ITGA9: variants seen among roughly 807,000 people sequenced by gnomAD.
The protein encoded by ITGA9 is integrin alpha-9.
Under a neutral mutation model 127.8 loss-of-function variants are expected in ITGA9, and 56 were observed. The observed-to-expected ratio is 0.44, with a 90% CI of 0.35 to 0.55. The LOEUF (loss-of-function observed/expected upper bound fraction) is 0.55. ITGA9 is among the 20% of genes least tolerant of loss of function. The pLI is 0.00. For synonymous variants in ITGA9, 508 were observed against 514.5 expected (o/e 0.99, Z 0.17); for missense variants, 1,196 against 1,347.1 (o/e 0.89, Z 1.76).
rs150835799 is a variant in ITGA9 at position 37,654,752 on chromosome 3, G to C, written c.1916+962G>C. Among the ~76,000 whole-genome samples, 54 of 152,212 alleles carry C rather than the reference G, an allele frequency of 3.5e-4. 1 individual carries two copies. Among genetic ancestry groups the C allele is most frequent in the African/African-American group, 9.9e-4 (41 of 41,526 alleles). ...ATACATGTGCTGAACGTGCAGGTTT[G>C]TTACATAGGTATACACATGCCATGG... On this transcript the variant is annotated intron_variant, in intron 17 of 27. Transcript: ENST00000264741.
chr3:37,514,323 G>T (rs1184992938), intron 9 of ITGA9, among the ~76,000 whole-genome samples: 1 of 152,194 alleles, frequency 6.6e-6, no homozygotes, highest in Non-Finnish European at 1.5e-5. Flanking sequence ...GCTGGCTTTA[G>T]AGCTGGCATG....
chr3:37,457,632 T>A (rs945116869), intron 1 of ITGA9, among the ~76,000 whole-genome samples: 6 of 152,222 alleles, frequency 3.9e-5, no homozygotes, highest in Admixed American at 2.6e-4. Flanking sequence ...ACATTGTTCC[T>A]GGTCCTCACT....
At chr3:37,454,825 C>T (rs1424614191) in intron 1 of ITGA9, among the ~76,000 whole-genome samples, 1 of 151,908 alleles carries the variant, frequency 6.6e-6, no homozygotes, top group Non-Finnish European at 1.5e-5. Context: ...TATTCTTTGT[C>T]TTAGACCTTG....
At chr3:37,473,516 T>A (rs1013632398) in intron 3 of ITGA9, 56 bp downstream of exon 3, 4 of 1,324,792 alleles carry the variant, frequency 3.0e-6, no homozygotes, top group African/African-American at 1.4e-5. Flanking sequence ...GAATGAATGA[T>A]CTGTTAGGAA....
intron 25 of ITGA9, 62 bp downstream of exon 25, chr3:37,780,083 A>AT (rs1696958703): frequency 3.1e-6 from 5 of 1,600,214 alleles, no homozygotes; most frequent in Non-Finnish European, 4.3e-6. Context: ...TTGACATCTG[A>AT]TTTTGGGTAA....
rs1191780123 is a variant in ITGA9, at chr3:37,741,764, A to G, written c.2269A>G (p.Asn757Asp). 1.2e-6 allele frequency: 2 copies of G among 1,613,806 alleles called. No individual in the cohort carries two copies. The highest frequency in any genetic ancestry group is 1.7e-6 in the Non-Finnish European group (2 of 1,179,936). Residue 757 changes from asparagine to aspartate, a missense_variant, in exon 21 of 28, where the codon AAC becomes GAC. Coordinates refer to ENST00000264741, the MANE Select transcript of ITGA9 (RefSeq NM_002207.3). ...NTERSESLHDNTLVLMVPLMH... is the reference protein window; with the variant it reads ...NTERSESLHDDTLVLMVPLMH... ...GGAGCGCTCTGAATCCCTGCATGAC[A>G]ACACCCTCGTGCTGATGGTGCCACT...
At chr3:37,537,188 TG>T (rs1699216243) in intron 14 of ITGA9, among the ~76,000 whole-genome samples, 1 of 152,174 alleles carries the variant, frequency 6.6e-6, no homozygotes, top group Admixed American at 6.5e-5. Context: ...CTGATCTCTC[TG>T]AGGGAGTGCA....
Position 37,712,529 on chromosome 3 carries a change from G to T in ITGA9, c.2068-20183G>T, listed in dbSNP as rs528159798. ...AACCTAAATTGGTGTAGGTAAAAGA[G>T]AATGTAGGGTTTTGCAAACTGAAAG... is the stretch of plus-strand genomic sequence containing the variant. On this transcript the variant is annotated intron_variant, in intron 18 of 27. Coordinates refer to ENST00000264741, the MANE Select transcript of ITGA9 (RefSeq NM_002207.3). Among the ~76,000 whole-genome samples, 9 of 152,296 alleles carry T rather than the reference G, an allele frequency of 5.9e-5. No individual in the cohort carries two copies. The East Asian group carries it at 1.7e-3, about 29-fold the overall frequency.
intron 14 of ITGA9, among the ~76,000 whole-genome samples, chr3:37,539,957 G>T (rs1384854197): frequency 6.6e-6 from 1 of 152,230 alleles, no homozygotes; most frequent in Non-Finnish European, 1.5e-5. Flanking sequence ...CTCCTGGCTT[G>T]CCAGGCACAT....
At chr3:37,632,203 A>G (rs984345966) in intron 16 of ITGA9, among the ~76,000 whole-genome samples, 6 of 152,244 alleles carry the variant, frequency 3.9e-5, no homozygotes, top group Non-Finnish European at 7.3e-5. Context: ...AATTTTAAAA[A>G]TGCAACACCT....
At chr3:37,564,423 C>T (rs1452235143) in intron 15 of ITGA9, among the ~76,000 whole-genome samples, 1 of 152,180 alleles carries the variant, frequency 6.6e-6, no homozygotes, top group East Asian at 1.9e-4. Context: ...TCCATTAGTC[C>T]TGTTGTGACT....
At chr3:37,536,686 T>G (rs1699211366) in intron 14 of ITGA9, among the ~76,000 whole-genome samples, 1 of 152,222 alleles carries the variant, frequency 6.6e-6, no homozygotes, top group African/African-American at 2.4e-5. Context: ...GACCAGCTCA[T>G]TAGCGGGACA....
Position 37,683,977 on chromosome 3 carries a change from G to A in ITGA9, c.2029G>A (p.Val677Ile), listed in dbSNP as rs978929765. 1 of 1,614,022 alleles carries A rather than the reference G, an allele frequency of 6.2e-7. No individual in the cohort carries two copies. The highest frequency in any genetic ancestry group is 8.5e-7 in the Non-Finnish European group (1 of 1,179,994). ...DAYDANVSFN[V>I]SRELFFINMW... is the part of the protein sequence containing the mutation. ...CTATGATGCCAACGTGTCCTTCAAT[G>A]TTTCCCGGGAGCTCTTCTTCATCAA... The change falls in exon 18 of 28, where the codon GTT becomes ATT. Residue 677 changes from valine to isoleucine, a missense_variant. Val to Ile is a conservative substitution (Grantham distance 29, BLOSUM62 3). Transcript: ENST00000264741.
chr3:37,664,640 G>A (rs1317075132), intron 17 of ITGA9, among the ~76,000 whole-genome samples: 1 of 151,520 alleles, frequency 6.6e-6, no homozygotes, highest in Non-Finnish European at 1.5e-5. Flanking sequence ...GGCTGGTCTC[G>A]AGCTTCCCAT....
intron 15 of ITGA9, among the ~76,000 whole-genome samples, chr3:37,621,488 C>T (rs1277557283): frequency 6.6e-6 from 1 of 152,230 alleles, no homozygotes; most frequent in Non-Finnish European, 1.5e-5. Flanking sequence ...AGAGCATGTT[C>T]AGTATTGTCC....
chr3:37,722,796 G>A (rs1164533295), intron 18 of ITGA9, among the ~76,000 whole-genome samples: 1 of 152,124 alleles, frequency 6.6e-6, no homozygotes, highest in African/African-American at 2.4e-5. Flanking sequence ...ACACATTTTT[G>A]TGTGGGCTCA....
chr3:37,809,570 A>G (rs1457523361), intron 27 of ITGA9, among the ~76,000 whole-genome samples: 3 of 151,966 alleles, frequency 2.0e-5, no homozygotes, highest in Admixed American at 6.6e-5. Flanking sequence ...CAGTCTGTTG[A>G]GGCAGTGTTG....
chr3:37,610,215 A>G (rs1473538185), intron 15 of ITGA9, among the ~76,000 whole-genome samples: 1 of 152,182 alleles, frequency 6.6e-6, no homozygotes, highest in Non-Finnish European at 1.5e-5. Context: ...TGTCTCCTAA[A>G]TTAGATTTTA....
chr3:37,636,425 G>A (rs1012221983), intron 16 of ITGA9, among the ~76,000 whole-genome samples: 14 of 152,338 alleles, frequency 9.2e-5, no homozygotes, highest in African/African-American at 3.4e-4. Context: ...CTGCATAAAT[G>A]TCTTCTTTTG....
Sources: allele counts gnomAD v4.1 joint callset (sites outside exome capture counted in the v4.1 genomes callset), GRCh38; gene constraint gnomAD v4.1.1; transcripts MANE v1.5; gene names NCBI Gene and HGNC (gene_info 2026-07-23, HGNC 2026-07-21).